The following TRHDE variants were observed in gnomAD, a reference collection of about 807,000 sequenced individuals.
The protein encoded by TRHDE is thyrotropin-releasing hormone-degrading ectoenzyme.
In TRHDE, 72 loss-of-function variants were observed where a neutral mutation model predicts 125.7. The observed-to-expected ratio is 0.57, with a 90% CI of 0.47 to 0.70. The LOEUF (loss-of-function observed/expected upper bound fraction) is 0.70. TRHDE is among the 30% of genes least tolerant of loss of function. The probability of loss-of-function intolerance (pLI) is 0.00; values close to 1 mark genes in which losing one functional copy is unlikely to be tolerated. For synonymous variants in TRHDE, 509 were observed against 509.1 expected (o/e 1.00, Z 0.00); for missense variants, 1,110 against 1,327.1 (o/e 0.84, Z 2.54).
intron 2 of TRHDE, among the ~76,000 whole-genome samples, chr12:72,294,210 G>A (rs866758450): frequency 1.3e-5 from 2 of 152,190 alleles, no homozygotes; most frequent in Admixed American, 6.5e-5. Context: ...AGCCCTGTTT[G>A]TGCGACAGTT....
At chr12:72,333,285 A>G (rs1373179396) in intron 2 of TRHDE, among the ~76,000 whole-genome samples, 1 of 152,240 alleles carries the variant, frequency 6.6e-6, no homozygotes, top group Non-Finnish European at 1.5e-5. Flanking sequence ...ACATTTACCA[A>G]TATGTATTGA....
intron 2 of TRHDE, among the ~76,000 whole-genome samples, chr12:72,304,285 T>C (rs1035604435): frequency 2.6e-5 from 4 of 152,200 alleles, no homozygotes; most frequent in African/African-American, 9.6e-5. Flanking sequence ...TTACTGTATA[T>C]TTTGAATTTA....
intron 2 of TRHDE, among the ~76,000 whole-genome samples, chr12:72,246,948 A>G (rs1878586175): frequency 2.0e-5 from 3 of 152,340 alleles, no homozygotes; most frequent in Non-Finnish European, 2.9e-5. Flanking sequence ...TTGGATGAAG[A>G]TCAAAATCAT....
intron 9 of TRHDE, among the ~76,000 whole-genome samples, chr12:72,564,769 C>A (rs1214892): frequency 2.0e-5 from 3 of 149,324 alleles, no homozygotes; most frequent in East Asian, 2.0e-4. Flanking sequence ...CCAGGTTCAC[C>A]CCATTCTCCT....
chr12:72,131,848 A>G (rs374475744), intron 2 of TRHDE, among the ~76,000 whole-genome samples: 1 of 152,184 alleles, frequency 6.6e-6, no homozygotes, highest in Non-Finnish European at 1.5e-5. Context: ...CTGCTCATAC[A>G]TCATTAGCCA....
At chr12:72,207,655 G>A (rs1406850608) in intron 2 of TRHDE, among the ~76,000 whole-genome samples, 2 of 152,202 alleles carry the variant, frequency 1.3e-5, no homozygotes, top group Non-Finnish European at 2.9e-5. Context: ...TGTTTGACAT[G>A]ATGGAACAGG....
At chr12:72,477,152 T>G (rs1876938295) in intron 5 of TRHDE, among the ~76,000 whole-genome samples, 1 of 152,162 alleles carries the variant, frequency 6.6e-6, no homozygotes, top group Admixed American at 6.5e-5. Flanking sequence ...ACAAAATAAC[T>G]TATGAGGTCT....
At chr12:72,227,545 C>A (rs537981528) in intron 2 of TRHDE, among the ~76,000 whole-genome samples, 3 of 152,278 alleles carry the variant, frequency 2.0e-5, no homozygotes, top group Non-Finnish European at 4.4e-5. Context: ...CACAGCCAAA[C>A]AATATCGTTC....
chr12:72,090,529 G>A (rs1874765300), intron 1 of TRHDE, among the ~76,000 whole-genome samples: 1 of 152,068 alleles, frequency 6.6e-6, no homozygotes, highest in African/African-American at 2.4e-5. Flanking sequence ...AAAATTTTCT[G>A]ATTACTTGGA....
At chr12:72,119,088 T>C (rs983629778) in intron 2 of TRHDE, among the ~76,000 whole-genome samples, 3 of 152,180 alleles carry the variant, frequency 2.0e-5, no homozygotes, top group Non-Finnish European at 4.4e-5. Context: ...ATTTTGGCTT[T>C]AGTTTGCTCT....
intron 12 of TRHDE, among the ~76,000 whole-genome samples, chr12:72,598,267 C>G (rs1405146070): frequency 1.3e-5 from 2 of 152,166 alleles, no homozygotes; most frequent in Non-Finnish European, 2.9e-5. Flanking sequence ...AGCTAAGTTT[C>G]TACATTGCTT....
At chr12:72,284,838 T>G (rs894792225) in intron 1 of TRHDE, among the ~76,000 whole-genome samples, 1 of 152,190 alleles carries the variant, frequency 6.6e-6, no homozygotes, top group Non-Finnish European at 1.5e-5. Context: ...ATATGAAGAT[T>G]TACAGTTAAA....
intron 1 of TRHDE, among the ~76,000 whole-genome samples, chr12:72,282,098 A>AT (rs1170429131): frequency 6.6e-6 from 1 of 152,192 alleles, no homozygotes; most frequent in East Asian, 1.9e-4. Context: ...TGAAAGTGGA[A>AT]TTTTTTATGG....
intron 2 of TRHDE, among the ~76,000 whole-genome samples, chr12:72,326,513 C>G (rs908087173): frequency 3.9e-5 from 6 of 152,040 alleles, no homozygotes; most frequent in Admixed American, 1.3e-4. Context: ...ACATGTATAC[C>G]TATGTAACAA....
intron 10 of TRHDE, among the ~76,000 whole-genome samples, chr12:72,571,571 C>T (rs1360549716): frequency 2.6e-5 from 4 of 152,208 alleles, no homozygotes; most frequent in African/African-American, 7.2e-5. Context: ...TTTTAGAAAA[C>T]AGGTTGAAGT....
intron 12 of TRHDE, among the ~76,000 whole-genome samples, chr12:72,593,517 A>C (rs545662062): frequency 6.6e-6 from 1 of 151,028 alleles, no homozygotes; most frequent in African/African-American, 2.4e-5. Flanking sequence ...TTACTCTTTT[A>C]TTATTATTAT....
intron 12 of TRHDE, among the ~76,000 whole-genome samples, chr12:72,607,582 A>G (rs971898096): frequency 2.0e-5 from 3 of 152,084 alleles, no homozygotes; most frequent in South Asian, 2.1e-4. Context: ...CTAATGAGCC[A>G]GTTCTCTAGC....
At chr12:72,377,576 A>C (rs1871946742) in intron 2 of TRHDE, among the ~76,000 whole-genome samples, 1 of 152,172 alleles carries the variant, frequency 6.6e-6, no homozygotes, top group African/African-American at 2.4e-5. Context: ...ATACTTCGGA[A>C]GCTTGATACA....
intron 12 of TRHDE, among the ~76,000 whole-genome samples, chr12:72,588,285 C>T (rs1474365634): frequency 6.6e-6 from 1 of 151,964 alleles, no homozygotes; most frequent in African/African-American, 2.4e-5. Context: ...TCAGGGAAGC[C>T]CTCATTTTCC....
Sources: gnomAD v4.1 joint callset for allele counts (sites outside exome capture counted in the v4.1 genomes callset) on GRCh38, gnomAD v4.1.1 for gene constraint, MANE v1.5 for transcripts, NCBI Gene and HGNC (gene_info 2026-07-23, HGNC 2026-07-21) for gene names.